The following ZNF343 variants were observed in gnomAD, a reference collection of about 807,000 sequenced individuals.
The protein encoded by ZNF343 is zinc finger protein 343.
ZNF343 carries 11 observed loss-of-function variants against 13.8 expected under a neutral mutation model. That is an observed-to-expected ratio of 0.80 (90% CI 0.50 to 1.32). ZNF343 has a LOEUF of 1.32. Among genes scored for constraint, ZNF343 ranks in the 40% most tolerant of loss-of-function variants. The pLI is 0.00. For missense variants in ZNF343, 658 were observed against 714.2 expected, an observed-to-expected ratio of 0.92 and a Z score of 0.90; for synonymous variants, 248 against 260.0, an observed-to-expected ratio of 0.95 and a Z score of 0.44.
intron 1 of ZNF343, among the ~76,000 whole-genome samples, chr20:2,516,945 G>A (rs1024025632): frequency 2.6e-5 from 4 of 152,002 alleles, no homozygotes; most frequent in Admixed American, 6.6e-5. Context: ...TCACTGTCAC[G>A]GTCATTACTT....
Position 2,484,600 on chromosome 20 carries a change from G to A in ZNF343, c.361C>T (p.Gln121Ter). 6.2e-7 allele frequency: 1 copy of A among 1,613,444 alleles called. No individual in the cohort carries two copies. Among genetic ancestry groups the A allele is most frequent in the Non-Finnish European group, 8.5e-7 (1 of 1,179,668 alleles). ...AGTACATGTTGACTGAGGAACTGCT[G>A]ACAGGAGAAGGCCAGAAGGCAGGAG... ...CSSCLLAFSC[Q>*]QFLSQHVLQI... Residue 121 changes from glutamine to a stop codon, truncating the protein, a stop_gained, in exon 6 of 6, where the codon CAG (glutamine) becomes TAG (stop). Coordinates refer to ENST00000278772, the MANE Select transcript of ZNF343 (RefSeq NM_024325.6). LOFTEE classifies it low-confidence loss of function (END_TRUNC).
upstream of ZNF343, chr20:2,509,152 G>A (rs2085719663): frequency 6.6e-6 from 1 of 152,186 alleles, no homozygotes; most frequent in African/African-American, 2.4e-5. Context: ...AAGCCTCTGC[G>A]GCAGCTTCCG....
At chr20:2,509,526 G>A (rs78886120), upstream of ZNF343, among the ~76,000 whole-genome samples, 1,576 of 152,260 alleles carry the variant, frequency 0.01, 32 homozygotes, top group African/African-American at 0.036. Context: ...CTTCACTCAG[G>A]CTGGAGTCTG....
rs564645501 is a variant in ZNF343, at chr20:2,514,963, A to G, written c.-347+9492T>C. On this transcript the variant is annotated intron_variant, in intron 1 of 6. Transcript: ENST00000358413. The stretch of plus-strand genomic sequence containing the variant: ...AAGTGAGCTGAGATTGCACCACTGC[A>G]CTGCACTCCAGCCTGGGTGACAGAG... Among the ~76,000 whole-genome samples the G allele has an allele frequency of 5.9e-5, 9 of 151,716 alleles. No homozygotes were observed. In the South Asian group the frequency reaches 1.7e-3, roughly 28 times the overall value.
intron 1 of ZNF343, among the ~76,000 whole-genome samples, chr20:2,501,678 C>T (rs1050712961): frequency 4.6e-5 from 7 of 152,180 alleles, no homozygotes; most frequent in East Asian, 1.9e-4. Flanking sequence ...CTGCAGCCTC[C>T]GCTGCTGATA....
intron 1 of ZNF343, among the ~76,000 whole-genome samples, chr20:2,505,827 A>AC (rs1241681259): frequency 1.3e-5 from 2 of 152,210 alleles, no homozygotes; most frequent in Non-Finnish European, 2.9e-5. Context: ...TAGACCTAAA[A>AC]CCATAAAAAC....
intron 1 of ZNF343, among the ~76,000 whole-genome samples, chr20:2,515,118 A>C (rs564928458): frequency 6.6e-6 from 1 of 152,152 alleles, no homozygotes; most frequent in Non-Finnish European, 1.5e-5. Context: ...GAAAGGAAAA[A>C]AAGACTAATA....
At chr20:2,507,638 C>A (rs1005952920) in intron 1 of ZNF343, among the ~76,000 whole-genome samples, 3 of 152,080 alleles carry the variant, frequency 2.0e-5, no homozygotes, top group African/African-American at 7.2e-5. Context: ...GCCAGCTGGG[C>A]CAGTAATGAT....
chr20:2,519,467 GA>G (rs2085773622), intron 1 of ZNF343, among the ~76,000 whole-genome samples: 1 of 152,202 alleles, frequency 6.6e-6, no homozygotes, highest in African/African-American at 2.4e-5. Flanking sequence ...TGAACAAGAG[GA>G]AATTCTTCAG....
intron 1 of ZNF343, among the ~76,000 whole-genome samples, chr20:2,516,749 T>C (rs1214145697): frequency 1.3e-5 from 2 of 151,828 alleles, no homozygotes; most frequent in East Asian, 1.9e-4. Flanking sequence ...TCAGGTCCAG[T>C]GTATGAGGCT....
upstream of ZNF343, among the ~76,000 whole-genome samples, chr20:2,509,425 G>C (rs556226101): frequency 5.3e-5 from 8 of 152,310 alleles, no homozygotes; most frequent in Admixed American, 5.2e-4. Context: ...CTCAACACCA[G>C]TGCACTCCTG....
intron 5 of ZNF343, among the ~76,000 whole-genome samples, chr20:2,488,458 A>G (rs906639774): frequency 3.3e-5 from 5 of 151,844 alleles, no homozygotes; most frequent in African/African-American, 9.7e-5. Flanking sequence ...TCTTGATTCC[A>G]CTGGTCTATT....
At chr20:2,510,313 G>A (rs973762603), upstream of ZNF343, among the ~76,000 whole-genome samples, 1 of 152,164 alleles carries the variant, frequency 6.6e-6, no homozygotes, top group Admixed American at 6.5e-5. Context: ...ATCTCTTTCT[G>A]TCTGGCATCT....
At chr20:2,485,405 A>G (rs1304104803) in intron 5 of ZNF343, among the ~76,000 whole-genome samples, 1 of 152,242 alleles carries the variant, frequency 6.6e-6, no homozygotes, top group African/African-American at 2.4e-5. Context: ...TCATCACAAC[A>G]TGATCTATCC....
At chr20:2,493,386 A>G in intron 4 of ZNF343, 133 bp downstream of exon 4, 1 of 823,328 alleles carries the variant, frequency 1.2e-6, no homozygotes, top group Non-Finnish European at 2.0e-6. Context: ...ACTTTTTTCA[A>G]GAAAGCCTAA....
intron 2 of ZNF343, among the ~76,000 whole-genome samples, chr20:2,498,000 A>G (rs2085489053): frequency 6.6e-6 from 1 of 152,190 alleles, no homozygotes; most frequent in East Asian, 1.9e-4. Context: ...ACCCAAAATG[A>G]GCAAGAGGTC....
upstream of ZNF343, among the ~76,000 whole-genome samples, chr20:2,511,724 G>A (rs895843878): frequency 5.9e-5 from 9 of 152,088 alleles, no homozygotes; most frequent in South Asian, 8.3e-4. Context: ...CTTGCCCCTC[G>A]CCCTGCTTTC....
rs376161426 is a variant in ZNF343 at position 2,483,630 on chromosome 20, C to T, written c.1331G>A (p.Arg444Gln). The T allele has an allele frequency of 2.0e-5, 33 of 1,613,552 alleles. No individual in the cohort carries two copies. Among genetic ancestry groups the T allele is most frequent in the South Asian group, 1.9e-4 (17 of 91,064 alleles). The change falls in exon 6 of 6, where the codon CGA (arginine) becomes CAA (glutamine). Residue 444 changes from arginine (R) to glutamine (Q), a missense_variant. By Grantham distance (43) the Arg-to-Gln change is conservative (BLOSUM62 1). Transcript: ENST00000278772. Reference sequence around the variant, plus strand: ...GAGGGTTGACTTGTCACAAAAGCCTCGCCCACACTCCCTGCAAACATAAGG... The same window carrying T: ...GAGGGTTGACTTGTCACAAAAGCCTTGCCCACACTCCCTGCAAACATAAGG... ...EKPYVCRECGRGFCDKSTLII... is the reference protein window; with the variant it reads ...EKPYVCRECGQGFCDKSTLII...
chr20:2,489,030 C>T (rs1438284628), intron 5 of ZNF343, among the ~76,000 whole-genome samples: 7 of 152,110 alleles, frequency 4.6e-5, no homozygotes, highest in Non-Finnish European at 8.8e-5. Context: ...GGATGACAGA[C>T]GTGAGACCCT....
Sources: gnomAD v4.1 joint callset for allele counts (sites outside exome capture counted in the v4.1 genomes callset) on GRCh38, gnomAD v4.1.1 for gene constraint, MANE v1.5 for transcripts, NCBI Gene and HGNC (gene_info 2026-07-23, HGNC 2026-07-21) for gene names.